Variants in C13orf46 observed in about 807,000 individuals in gnomAD.
C13orf46 encodes the protein uncharacterized protein C13orf46.
intron 1 of C13orf46, among the ~76,000 whole-genome samples, chr13:113,971,552 C>G (rs1419492600): frequency 6.6e-6 from 1 of 152,242 alleles, no homozygotes; most frequent in African/African-American, 2.4e-5. Flanking sequence ...TCTTGCCGGC[C>G]TCTCTGGGCT....
chr13:113,945,125 C>T, the C13orf46 span, among the ~76,000 whole-genome samples: 1 of 152,144 alleles, frequency 6.6e-6, no homozygotes, highest in East Asian at 1.9e-4. Flanking sequence ...TGCGAAGGAC[C>T]CTCCAGGTGT....
chr13:113,964,692 G>C (rs2052619484), intron 6 of C13orf46, among the ~76,000 whole-genome samples: 1 of 152,158 alleles, frequency 6.6e-6, no homozygotes, highest in Non-Finnish European at 1.5e-5. Flanking sequence ...TATGGGGTGA[G>C]GTGGGGCATC....
chr13:113,932,916 G>A, the C13orf46 span, among the ~76,000 whole-genome samples: 1 of 152,044 alleles, frequency 6.6e-6, no homozygotes. Context: ...CCACACTGGA[G>A]TGCAGTGGCG....
downstream of C13orf46, among the ~76,000 whole-genome samples, chr13:113,950,266 C>G (rs2052483833): frequency 7.5e-6 from 1 of 133,008 alleles, no homozygotes; most frequent in African/African-American, 3.0e-5. Context: ...CTGCCTCGGG[C>G]ACCTCGGTGC....
rs562131874 is a variant in C13orf46, at chr13:113,970,852, C to T, written c.191-630G>A. On this transcript the variant is annotated intron_variant, in intron 1 of 6. Coordinates refer to ENST00000636427, the MANE Select transcript of C13orf46 (RefSeq NM_001365455.2). ...GCCCAGGAACATCAACTCGGGTGAG[C>T]GGTGCTCTGGTGCTCCCGGCAGGAA... is the stretch of plus-strand genomic sequence containing the variant. Among the ~76,000 whole-genome samples the T allele has an allele frequency of 2.1e-3, 327 of 152,324 alleles. 1 individual carries two copies. Among genetic ancestry groups the T allele is most frequent in the African/African-American group, 7.6e-3 (315 of 41,566 alleles).
the C13orf46 span, among the ~76,000 whole-genome samples, chr13:113,938,530 C>T: frequency 6.6e-6 from 1 of 152,214 alleles, no homozygotes; most frequent in African/African-American, 2.4e-5. Flanking sequence ...ACGCTGGGTC[C>T]AGCAGCCTCT....
intron 2 of C13orf46, among the ~76,000 whole-genome samples, chr13:113,969,175 G>A (rs1021822157): frequency 1.3e-5 from 2 of 152,260 alleles, no homozygotes; most frequent in East Asian, 1.9e-4. Flanking sequence ...TGGCCCTGCT[G>A]TTACTCGCAC....
At chr13:113,930,919 G>A in the C13orf46 span, among the ~76,000 whole-genome samples, 1 of 152,242 alleles carries the variant, frequency 6.6e-6, no homozygotes, top group Non-Finnish European at 1.5e-5. Flanking sequence ...TCAGGCAAGA[G>A]GCGGGGTGGG....
At chr13:113,949,549 C>T (rs998577309), downstream of C13orf46, among the ~76,000 whole-genome samples, 1,478 of 152,308 alleles carry the variant, frequency 9.7e-3, 25 homozygotes, top group African/African-American at 0.034. Flanking sequence ...GAGTGCTCTC[C>T]GGATTCCTCT....
intron 6 of C13orf46, among the ~76,000 whole-genome samples, chr13:113,957,260 T>A (rs1473922903): frequency 7.6e-6 from 1 of 131,456 alleles, no homozygotes; most frequent in Admixed American, 7.9e-5. Context: ...GCACTCTGCA[T>A]GCACCTCCTT....
At position 113,955,194 on chromosome 13, in the gene C13orf46, A is replaced by G; in HGVS notation, c.*1579T>C. The G allele has an allele frequency of 4.8e-6, 1 of 207,074 alleles. No individual in the cohort carries two copies. The highest frequency in any genetic ancestry group is 9.5e-6 in the Non-Finnish European group (1 of 104,820). The allele number at this position is 207,074 out of a possible 1,614,324, so 12.8% of individuals were successfully genotyped here. On this transcript the variant is annotated 3_prime_UTR_variant, in exon 7 of 7. Transcript: ENST00000636427. ...GGAGGAGCATCTGGTGGAGAGGAGG[A>G]GCATCCCGTGGAGACGAGGAGCATC...
chr13:113,939,532 G>A, the C13orf46 span, among the ~76,000 whole-genome samples: 1 of 152,168 alleles, frequency 6.6e-6, no homozygotes, highest in Non-Finnish European at 1.5e-5. Flanking sequence ...GGGAAAGATG[G>A]GGACCACGTG....
chr13:113,962,267 G>C (rs1015327907), intron 6 of C13orf46, among the ~76,000 whole-genome samples: 1 of 152,142 alleles, frequency 6.6e-6, no homozygotes, highest in Non-Finnish European at 1.5e-5. Context: ...CTAGCTGGGC[G>C]TGGTGGTGGG....
chr13:113,938,739 C>T, the C13orf46 span, among the ~76,000 whole-genome samples: 1 of 152,210 alleles, frequency 6.6e-6, no homozygotes, highest in Non-Finnish European at 1.5e-5. Context: ...GTGAACTTTC[C>T]ATTCCAGAAA....
chr13:113,931,348 T>C, the C13orf46 span, among the ~76,000 whole-genome samples: 1 of 152,238 alleles, frequency 6.6e-6, no homozygotes, highest in Non-Finnish European at 1.5e-5. Context: ...GTTTCCCTTG[T>C]GCGGACACAA....
chr13:113,970,900 C>T (rs1045033446), intron 1 of C13orf46, among the ~76,000 whole-genome samples: 3 of 152,216 alleles, frequency 2.0e-5, no homozygotes, highest in South Asian at 2.1e-4. Context: ...TGTTGGCCAC[C>T]GGCTTGCACC....
the C13orf46 span, chr13:113,927,317 C>T: frequency 1.0e-3 from 398 of 384,140 alleles, 1 homozygote; most frequent in Non-Finnish European, 1.5e-3. Flanking sequence ...TCGCTGGGGA[C>T]GCTGCCACCA....
downstream of C13orf46, among the ~76,000 whole-genome samples, chr13:113,949,016 G>A (rs2052479599): frequency 2.0e-5 from 3 of 152,174 alleles, no homozygotes; most frequent in South Asian, 4.1e-4. Flanking sequence ...TGTAATTAGA[G>A]AGGAACTTCC....
At chr13:113,927,330 C>A in the C13orf46 span, 2,235 of 389,384 alleles carry the variant, frequency 5.7e-3, 53 homozygotes, top group East Asian at 0.054. Context: ...TGCCACCAGG[C>A]CTGTGAGGCA....
Sources: gnomAD v4.1 joint callset for allele counts (sites outside exome capture counted in the v4.1 genomes callset) on GRCh38, gnomAD v4.1.1 for gene constraint, MANE v1.5 for transcripts, NCBI Gene and HGNC (gene_info 2026-07-23, HGNC 2026-07-21) for gene names.